MCPH1: variants seen among roughly 807,000 people sequenced by gnomAD.
The protein encoded by MCPH1 is microcephalin.
A neutral mutation model predicts 84.5 loss-of-function variants in MCPH1; 104 were observed. The ratio of observed to expected loss-of-function variants is 1.23; its 90% CI spans 1.05 to 1.45. MCPH1 has a LOEUF of 1.45. MCPH1 is among the 40% of genes most tolerant of loss of function. MCPH1 has a pLI of 0.00. For missense variants in MCPH1, 1,498 were observed against 1,005.7 expected (o/e 1.49, Z -6.62); for synonymous variants, 514 against 366.8 (o/e 1.40, Z -4.58).
Position 6,533,462 on chromosome 8 carries a change from T to G in MCPH1, c.2214+33533T>G, listed in dbSNP as rs59563468. On this transcript the variant is annotated intron_variant, in intron 12 of 13. Transcript: ENST00000344683. Reference sequence around the variant, plus strand: ...CTTTTGGGACCCTAGTTTCCTCATATGTAAAATAGGGTTTCTGGTTGGTCA... The same window carrying G: ...CTTTTGGGACCCTAGTTTCCTCATAGGTAAAATAGGGTTTCTGGTTGGTCA... Among the ~76,000 whole-genome samples the G allele has an allele frequency of 0.022, 3,355 of 152,210 alleles. 385 individuals are homozygous for G. In the East Asian group the frequency reaches 0.35, roughly 16 times the overall value.
intron 3 of MCPH1, among the ~76,000 whole-genome samples, chr8:6,422,114 ATCTG>A (rs1196298244): frequency 6.6e-6 from 1 of 152,154 alleles, no homozygotes; most frequent in Admixed American, 6.5e-5. Flanking sequence ...TGACTGCTTT[ATCTG>A]TCTGTGTATC....
chr8:6,503,211 G>C, intron 12 of MCPH1: 1 of 1,614,136 alleles, frequency 6.2e-7, no homozygotes, highest in East Asian at 2.2e-5. Context: ...TGCCTCTGTG[G>C]ATAGTACATT....
chr8:6,639,240 A>G (rs150983879), intron 13 of MCPH1, among the ~76,000 whole-genome samples: 53 of 152,262 alleles, frequency 3.5e-4, no homozygotes, highest in African/African-American at 1.2e-3. Flanking sequence ...GTGATATTTG[A>G]TTTCATAGTC....
intron 12 of MCPH1, among the ~76,000 whole-genome samples, chr8:6,515,331 C>G (rs1816045700): frequency 2.0e-5 from 3 of 152,142 alleles, no homozygotes; most frequent in Non-Finnish European, 2.9e-5. Context: ...CAATACTAAT[C>G]AGATTTTTTG....
intron 13 of MCPH1, among the ~76,000 whole-genome samples, chr8:6,637,791 A>G (rs1586895057): frequency 1.3e-5 from 2 of 152,140 alleles, no homozygotes; most frequent in Non-Finnish European, 2.9e-5. Flanking sequence ...AAGCAGAGAA[A>G]GCAGTCTCGG....
At chr8:6,540,760 T>A (rs944092284) in intron 12 of MCPH1, among the ~76,000 whole-genome samples, 1 of 152,258 alleles carries the variant, frequency 6.6e-6, no homozygotes, top group Non-Finnish European at 1.5e-5. Flanking sequence ...AAGGCAGGCA[T>A]GCAGGAAGTT....
At chr8:6,594,494 A>C (rs2087088546) in intron 12 of MCPH1, among the ~76,000 whole-genome samples, 1 of 152,238 alleles carries the variant, frequency 6.6e-6, no homozygotes, top group Admixed American at 6.5e-5. Flanking sequence ...AAGAAATAGC[A>C]GTCCTTGATC....
At chr8:6,518,384 G>T (rs1180359931) in intron 12 of MCPH1, among the ~76,000 whole-genome samples, 1 of 152,346 alleles carries the variant, frequency 6.6e-6, no homozygotes, top group South Asian at 2.1e-4. Flanking sequence ...GCAGCAGACT[G>T]TGTTGTTTGT....
At chr8:6,628,556 T>A (rs1796929248) in intron 13 of MCPH1, among the ~76,000 whole-genome samples, 1 of 143,530 alleles carries the variant, frequency 7.0e-6, no homozygotes, top group Admixed American at 7.0e-5. Flanking sequence ...CAATTCAGAA[T>A]AAGAAATATT....
intron 12 of MCPH1, among the ~76,000 whole-genome samples, chr8:6,556,479 C>T (rs553469744): frequency 6.9e-6 from 1 of 145,220 alleles, no homozygotes; most frequent in African/African-American, 2.6e-5. Flanking sequence ...ACACGCCTGA[C>T]TCCCTTTGTG....
intron 12 of MCPH1, among the ~76,000 whole-genome samples, chr8:6,575,112 T>C (rs1297638278): frequency 2.6e-5 from 4 of 152,174 alleles, no homozygotes; most frequent in Non-Finnish European, 5.9e-5. Context: ...AAATTGGCTA[T>C]GAGACTTCCG....
chr8:6,614,767 G>T (rs544850870), intron 12 of MCPH1, among the ~76,000 whole-genome samples: 1 of 152,106 alleles, frequency 6.6e-6, no homozygotes, highest in Non-Finnish European at 1.5e-5. Context: ...TGTGGCCCCC[G>T]TGGTATCTTA....
At chr8:6,630,466 G>A (rs983722575) in intron 13 of MCPH1, among the ~76,000 whole-genome samples, 4 of 152,110 alleles carry the variant, frequency 2.6e-5, no homozygotes, top group African/African-American at 7.2e-5. Context: ...AAGCTCAAGC[G>A]TTAAAAAAAT....
intron 8 of MCPH1, among the ~76,000 whole-genome samples, chr8:6,452,340 T>C (rs1463681846): frequency 5.3e-5 from 8 of 152,248 alleles, no homozygotes; most frequent in African/African-American, 1.9e-4. Context: ...TTGATGGTAT[T>C]ATTAATCCAA....
chr8:6,540,916 G>A (rs570608779), intron 12 of MCPH1, among the ~76,000 whole-genome samples: 2 of 152,370 alleles, frequency 1.3e-5, no homozygotes, highest in Admixed American at 6.5e-5. Flanking sequence ...AGGAGCCCTG[G>A]GACAGTGTCT....
intron 12 of MCPH1, among the ~76,000 whole-genome samples, chr8:6,601,001 G>A (rs1436336793): frequency 1.3e-5 from 2 of 152,182 alleles, no homozygotes; most frequent in Non-Finnish European, 2.9e-5. Flanking sequence ...GTCACCAAGG[G>A]AGGAAATAGG....
chr8:6,464,404 A>G (rs3020281), intron 9 of MCPH1, among the ~76,000 whole-genome samples: 44,486 of 152,128 alleles, frequency 0.29, 8,326 homozygotes, highest in African/African-American at 0.52. Flanking sequence ...CTTGTTATGT[A>G]TGAGAGAAAA....
At position 6,498,886 on chromosome 8, in the gene MCPH1, T is replaced by C. The variant is rs542486918; in HGVS notation, c.2137-966T>C. Among the ~76,000 whole-genome samples, 4 of 151,950 alleles carry C rather than the reference T, an allele frequency of 2.6e-5. No individual in the cohort carries two copies. In the South Asian group the frequency reaches 8.3e-4, roughly 32 times the overall value. On this transcript the variant is annotated intron_variant, in intron 11 of 13. Transcript: ENST00000344683. ...CAACACGGTGAAACCCGATCTCTAC[T>C]ACAAATACAAAAAAAATTAGCCAGG...
intron 12 of MCPH1, among the ~76,000 whole-genome samples, chr8:6,548,174 A>G (rs1307962916): frequency 6.6e-6 from 1 of 152,076 alleles, no homozygotes; most frequent in Non-Finnish European, 1.5e-5. Context: ...CTTCTCCTGG[A>G]GTGGCTTGAG....
Sources: gnomAD v4.1 joint callset for allele counts (sites outside exome capture counted in the v4.1 genomes callset) on GRCh38, gnomAD v4.1.1 for gene constraint, MANE v1.5 for transcripts, NCBI Gene and HGNC (gene_info 2026-07-23, HGNC 2026-07-21) for gene names.